UNC13B: variants seen among roughly 807,000 people sequenced by gnomAD.
UNC13B encodes the protein protein unc-13 homolog B.
A neutral mutation model predicts 211.0 loss-of-function variants in UNC13B; 144 were observed. That is an observed-to-expected ratio of 0.68 (90% CI 0.60 to 0.78). UNC13B has a LOEUF of 0.78. Among genes scored for constraint, UNC13B ranks in the 30% least tolerant of loss-of-function variants. The pLI, the probability that UNC13B is intolerant of heterozygous loss-of-function variation, is 0.00. For missense variants in UNC13B, 1,777 were observed against 2,002.0 expected, an observed-to-expected ratio of 0.89 and a Z score of 2.14; for synonymous variants, 709 against 725.8, an observed-to-expected ratio of 0.98 and a Z score of 0.37.
intron 11 of UNC13B, among the ~76,000 whole-genome samples, chr9:35,334,237 A>G (rs757094067): frequency 6.6e-6 from 1 of 152,198 alleles, no homozygotes; most frequent in African/African-American, 2.4e-5. Flanking sequence ...AAGTGCTGGG[A>G]TTGCAGGCGT....
At chr9:35,221,736 A>G (rs1001750249) in intron 1 of UNC13B, among the ~76,000 whole-genome samples, 1 of 152,210 alleles carries the variant, frequency 6.6e-6, no homozygotes, top group South Asian at 2.1e-4. Context: ...CAGGGTCACT[A>G]AGATTTTCTC....
chr9:35,220,130 C>G lies in UNC13B; in HGVS notation c.23-7885C>G, dbSNP rs373433604. Among the ~76,000 whole-genome samples the G allele has an allele frequency of 3.3e-5, 5 of 150,844 alleles. No individual in the cohort carries two copies. In the South Asian group the frequency reaches 1.0e-3, roughly 32 times the overall value. ...TATGAATATATATTTTTATTTGTTC[C>G]CCTTATTTTGTATTCTTTAATTTTT... On this transcript the variant is annotated intron_variant, in intron 1 of 39. Coordinates refer to ENST00000635942, the MANE Select transcript of UNC13B (RefSeq NM_001371189.2).
intron 11 of UNC13B, chr9:35,342,323 T>G: frequency 1.0e-6 from 1 of 985,760 alleles, no homozygotes; most frequent in Non-Finnish European, 1.2e-6. Flanking sequence ...TCCTTAACCC[T>G]TATTTTGGTT....
intron 2 of UNC13B, among the ~76,000 whole-genome samples, chr9:35,228,338 A>G (rs1824976611): frequency 6.6e-6 from 1 of 152,116 alleles, no homozygotes; most frequent in Non-Finnish European, 1.5e-5. Flanking sequence ...ATTAGTGGAA[A>G]CAATTTTTTT....
intron 1 of UNC13B, among the ~76,000 whole-genome samples, chr9:35,209,187 C>T (rs1250932401): frequency 1.3e-5 from 2 of 152,056 alleles, no homozygotes; most frequent in African/African-American, 2.4e-5. Context: ...GCTTCAGCCT[C>T]CTGAGTAGCT....
intron 24 of UNC13B, among the ~76,000 whole-genome samples, chr9:35,389,542 C>CCA (rs1835393691): frequency 6.6e-6 from 1 of 152,114 alleles, no homozygotes; most frequent in African/African-American, 2.4e-5. Context: ...CTTTAGCCAG[C>CCA]GAGTTACTCT....
At chr9:35,173,658 A>G (rs561228214) in intron 1 of UNC13B, among the ~76,000 whole-genome samples, 89 of 152,144 alleles carry the variant, frequency 5.8e-4, no homozygotes, top group African/African-American at 2.0e-3. Context: ...TCTTGAGCTC[A>G]TGTAATCCGC....
At chr9:35,376,931 C>A (rs1302288620) in intron 15 of UNC13B, among the ~76,000 whole-genome samples, 1 of 152,146 alleles carries the variant, frequency 6.6e-6, no homozygotes, top group South Asian at 2.1e-4. Context: ...TGTGGCTGGA[C>A]CCCAGGAAAA....
rs1829902866 is a variant in UNC13B at position 35,305,962 on chromosome 9, A to G, written c.6558A>G (p.Ala2186=). The G allele has an allele frequency of 5.0e-6, 2 of 398,922 alleles. No homozygotes were observed. The highest frequency in any genetic ancestry group is 2.5e-4 in the South Asian group (2 of 7,864). The allele number at this position is 398,922 out of a possible 1,614,324, so 24.7% of individuals were successfully genotyped here. ...CTCTACCAAGAGCCAAATCTCAGGC[A>G]GAAGGGCTATTCACACTTCCTTCAT... The part of the protein sequence containing the change: ...SATLPRAKSQ[A]EGLFTLPSFF... Residue 2186 remains alanine, a synonymous_variant, in exon 9 of 40, where the codon GCA becomes GCG. Coordinates refer to ENST00000635942, the MANE Select transcript of UNC13B (RefSeq NM_001371189.2).
chr9:35,403,168 G>A lies in UNC13B; in HGVS notation c.12486G>A (p.Gly4162=). 2 of 1,613,984 alleles carry A rather than the reference G, an allele frequency of 1.2e-6. No homozygotes were observed. Among genetic ancestry groups the A allele is most frequent in the East Asian group, 2.2e-5 (1 of 44,880 alleles). Reference sequence around the variant, plus strand: ...ATCATCTCTCCATTTGTCCCTCAGGGTCTGGTGTGGACGATCCTGTGGGAG... The same window carrying A: ...ATCATCTCTCCATTTGTCCCTCAGGATCTGGTGTGGACGATCCTGTGGGAG... ...KTFVRSQTTQ[G]SGVDDPVGEV... Residue 4162 remains glycine (G), a splice_region_variant and synonymous_variant, in exon 38 of 40, where the codon GGG becomes GGA. Coordinates refer to ENST00000635942, the MANE Select transcript of UNC13B (RefSeq NM_001371189.2).
Position 35,380,511 on chromosome 9 carries a change from G to A in UNC13B, c.10247G>A (p.Trp3416Ter). 1 of 1,614,216 alleles carries A rather than the reference G, an allele frequency of 6.2e-7. No individual in the cohort carries two copies. Among genetic ancestry groups the A allele is most frequent in the Non-Finnish European group, 8.5e-7 (1 of 1,180,040 alleles). The change falls in exon 18 of 40, where the codon TGG becomes TAG. Residue 3416 changes from tryptophan (W) to a stop codon, truncating the protein, a stop_gained. Coordinates refer to ENST00000635942, the MANE Select transcript of UNC13B (RefSeq NM_001371189.2). LOFTEE classifies it high-confidence loss of function. ...NSSDRIKVRV[W>*]DEDDDIKSRV... Reference sequence around the variant, plus strand: ...TCTGACCGCATTAAGGTGCGTGTATGGGATGAGGATGATGACATCAAGTCA... The same window carrying A: ...TCTGACCGCATTAAGGTGCGTGTATAGGATGAGGATGATGACATCAAGTCA...
chr9:35,291,079 C>G, intron 7 of UNC13B: 1 of 1,550,238 alleles, frequency 6.5e-7, no homozygotes, highest in South Asian at 1.2e-5. Flanking sequence ...GTCACTGGAC[C>G]TATTTGGGCT....
intron 26 of UNC13B, 151 bp downstream of exon 26, chr9:35,390,865 G>A (rs1175962435): frequency 9.2e-6 from 7 of 762,014 alleles, no homozygotes; most frequent in East Asian, 9.0e-5. Context: ...TGTAGGCCCC[G>A]GGAGACCTTG....
intron 3 of UNC13B, among the ~76,000 whole-genome samples, chr9:35,235,550 T>C (rs1345100362): frequency 6.6e-6 from 1 of 152,076 alleles, no homozygotes; most frequent in South Asian, 2.1e-4. Context: ...GTGATTCTTG[T>C]GCCTCAGCCT....
chr9:35,397,060 T>C, intron 28 of UNC13B, 107 bp from the exon 29 acceptor site: 3 of 1,598,432 alleles, frequency 1.9e-6, no homozygotes, highest in Non-Finnish European at 2.6e-6. Context: ...ACAGGAGGGC[T>C]GTTGAGGGCC....
At chr9:35,340,892 TC>T (rs1434701439) in intron 11 of UNC13B, among the ~76,000 whole-genome samples, 2 of 151,594 alleles carry the variant, frequency 1.3e-5, no homozygotes, top group Non-Finnish European at 2.9e-5. Context: ...CTTCAAGGGG[TC>T]CTGGCTTGTG....
chr9:35,251,353 G>A (rs1021875466), intron 6 of UNC13B, among the ~76,000 whole-genome samples: 2 of 152,110 alleles, frequency 1.3e-5, no homozygotes, highest in Non-Finnish European at 2.9e-5. Flanking sequence ...TGGGGGGGCC[G>A]AGGTGGTCAG....
intron 36 of UNC13B, 43 bp downstream of exon 36, chr9:35,399,772 C>T: frequency 6.3e-7 from 1 of 1,599,560 alleles, no homozygotes; most frequent in Non-Finnish European, 8.6e-7. Context: ...CCACCACACT[C>T]ACTTGGCCCT....
intron 11 of UNC13B, among the ~76,000 whole-genome samples, chr9:35,357,265 C>T (rs115793873): frequency 0.01 from 1,556 of 152,254 alleles, 33 homozygotes; most frequent in African/African-American, 0.035. Context: ...TTTATTATAG[C>T]CATCCTAGTG....
Sources: allele counts gnomAD v4.1 joint callset (sites outside exome capture counted in the v4.1 genomes callset), GRCh38; gene constraint gnomAD v4.1.1; transcripts MANE v1.5; gene names NCBI Gene and HGNC (gene_info 2026-07-23, HGNC 2026-07-21).